Variants in ZNF560 observed in about 807,000 individuals in gnomAD.
ZNF560 encodes the protein zinc finger protein 560.
ZNF560 carries 54 observed loss-of-function variants against 81.8 expected under a neutral mutation model. That is an observed-to-expected ratio of 0.66 (90% CI 0.53 to 0.83). The LOEUF (loss-of-function observed/expected upper bound fraction) is 0.83. Ranked by LOEUF, ZNF560 falls within the 40% of genes least tolerant of loss-of-function variation. The pLI is 0.00. For synonymous variants in ZNF560, 321 were observed against 317.9 expected (o/e 1.01, Z -0.10); for missense variants, 940 against 932.4 (o/e 1.01, Z -0.11).
chr19:9,488,646 C>T (rs1427187876), intron 2 of ZNF560, among the ~76,000 whole-genome samples: 2 of 151,998 alleles, frequency 1.3e-5, no homozygotes, highest in Admixed American at 6.5e-5. Flanking sequence ...GATAATATAT[C>T]ACAAGAAACC....
chr19:9,485,013 C>T (rs911093760), intron 2 of ZNF560, among the ~76,000 whole-genome samples: 3 of 152,110 alleles, frequency 2.0e-5, no homozygotes, highest in Admixed American at 2.0e-4. Context: ...AATTTCTAGA[C>T]ACACACAACC....
rs376274185 is a variant in ZNF560, at chr19:9,494,994, G to A, written c.-57+3134C>T. Among the ~76,000 whole-genome samples the A allele has an allele frequency of 4.1e-4, 62 of 152,194 alleles. No individual in the cohort carries two copies. In the East Asian group the frequency reaches 8.5e-3, roughly 21 times the overall value. On this transcript the variant is annotated intron_variant, in intron 2 of 9. Transcript: ENST00000301480. ...GAGCTGAGCACAGCCTCTAGCAACA[G>A]CCAGCAACAAGTCCTATAACTGCAA...
intron 2 of ZNF560, among the ~76,000 whole-genome samples, chr19:9,492,964 T>G (rs2073495741): frequency 6.6e-6 from 1 of 152,164 alleles, no homozygotes; most frequent in Non-Finnish European, 1.5e-5. Context: ...CTGGCCCTTA[T>G]AAGTTTCATA....
At chr19:9,491,448 T>C (rs2073471660) in intron 2 of ZNF560, among the ~76,000 whole-genome samples, 1 of 152,054 alleles carries the variant, frequency 6.6e-6, no homozygotes, top group African/African-American at 2.4e-5. Flanking sequence ...GTGGGTTCAG[T>C]TGTCTAGACC....
chr19:9,474,174 C>T lies in ZNF560; in HGVS notation c.157+25G>A, dbSNP rs761480515. Reference sequence around the variant, plus strand: ...CAATGTATATCTCTTCCCTAAGAGGCTGCATAAAATGATGGCAGTCTTACC... The same window carrying T: ...CAATGTATATCTCTTCCCTAAGAGGTTGCATAAAATGATGGCAGTCTTACC... On this transcript the variant is annotated intron_variant, in intron 4 of 9. Coordinates refer to ENST00000301480, the MANE Select transcript of ZNF560 (RefSeq NM_152476.3). The T allele has an allele frequency of 2.5e-6, 4 of 1,613,610 alleles. No individual in the cohort carries two copies. The South Asian group carries it at 4.4e-5, about 18-fold the overall frequency.
At chr19:9,503,818 A>T in the ZNF560 span, among the ~76,000 whole-genome samples, 1 of 152,222 alleles carries the variant, frequency 6.6e-6, no homozygotes, top group Non-Finnish European at 1.5e-5. Context: ...AATTACAGGC[A>T]TGAGTCATTG....
At chr19:9,491,570 T>C (rs1290385480) in intron 2 of ZNF560, among the ~76,000 whole-genome samples, 3 of 152,030 alleles carry the variant, frequency 2.0e-5, no homozygotes, top group Non-Finnish European at 4.4e-5. Context: ...CTCACACCTG[T>C]AATCCCAGCA....
intron 5 of ZNF560, among the ~76,000 whole-genome samples, chr19:9,472,330 G>A (rs1201002032): frequency 6.6e-6 from 1 of 152,114 alleles, no homozygotes; most frequent in Non-Finnish European, 1.5e-5. Flanking sequence ...GTTTAAAACA[G>A]GAGTCTCCAA....
the ZNF560 span, among the ~76,000 whole-genome samples, chr19:9,449,543 A>C: frequency 6.6e-6 from 1 of 152,220 alleles, no homozygotes; most frequent in Non-Finnish European, 1.5e-5. Context: ...CCTACAGCAA[A>C]AACTTAGAAA....
intron 5 of ZNF560, among the ~76,000 whole-genome samples, chr19:9,471,709 C>G (rs185355492): frequency 2.0e-5 from 3 of 152,164 alleles, no homozygotes; most frequent in Non-Finnish European, 4.4e-5. Context: ...TTCATAAGAT[C>G]ATAGAAAGTT....
At chr19:9,458,729 A>G in the ZNF560 span, among the ~76,000 whole-genome samples, 1 of 152,220 alleles carries the variant, frequency 6.6e-6, no homozygotes, top group Non-Finnish European at 1.5e-5. Flanking sequence ...ATGCTAGACA[A>G]TTCCACAATT....
At chr19:9,490,666 A>G (rs2073457504) in intron 2 of ZNF560, among the ~76,000 whole-genome samples, 1 of 152,222 alleles carries the variant, frequency 6.6e-6, no homozygotes, top group Non-Finnish European at 1.5e-5. Context: ...TTCTGTTCCA[A>G]TTATAATTTA....
At chr19:9,456,639 G>A in the ZNF560 span, among the ~76,000 whole-genome samples, 11 of 152,262 alleles carry the variant, frequency 7.2e-5, no homozygotes, top group South Asian at 8.3e-4. Context: ...ATCACTGGCC[G>A]TCTGCATGGC....
intron 4 of ZNF560, 131 bp downstream of exon 4, chr19:9,474,068 A>T: frequency 9.9e-7 from 1 of 1,012,774 alleles, no homozygotes; most frequent in Non-Finnish European, 1.5e-6. Flanking sequence ...CGACCACAGT[A>T]ATTAAGACCT....
chr19:9,483,195 C>T (rs150557628), intron 2 of ZNF560, among the ~76,000 whole-genome samples: 15,277 of 151,308 alleles, frequency 0.1, 909 homozygotes, highest in South Asian at 0.19. Context: ...TCTTCCCGGC[C>T]GCCATCCCGT....
At chr19:9,469,569 T>C (rs2073090165) in intron 8 of ZNF560, 61 bp downstream of exon 8, 5 of 1,485,258 alleles carry the variant, frequency 3.4e-6, no homozygotes, top group Admixed American at 1.7e-5. Flanking sequence ...AAAACTTCAT[T>C]GTGCTTCCAA....
At chr19:9,457,104 C>G in the ZNF560 span, among the ~76,000 whole-genome samples, 5 of 152,202 alleles carry the variant, frequency 3.3e-5, no homozygotes, top group Non-Finnish European at 5.9e-5. Flanking sequence ...TTTAAATGAA[C>G]TAGTCAAAGA....
At chr19:9,463,476 G>A (rs1464210029), downstream of ZNF560, among the ~76,000 whole-genome samples, 1 of 152,116 alleles carries the variant, frequency 6.6e-6, no homozygotes, top group Admixed American at 6.5e-5. Flanking sequence ...AGACAATCAG[G>A]ATGGCATCTA....
At chr19:9,473,414 C>G (rs1050979078) in intron 4 of ZNF560, among the ~76,000 whole-genome samples, 155 bp from the exon 5 acceptor site, 1 of 152,118 alleles carries the variant, frequency 6.6e-6, no homozygotes, top group Non-Finnish European at 1.5e-5. Flanking sequence ...CCCGTCTCTA[C>G]TAAAAATACA....
Sources: allele counts gnomAD v4.1 joint callset (sites outside exome capture counted in the v4.1 genomes callset), GRCh38; gene constraint gnomAD v4.1.1; transcripts MANE v1.5; gene names NCBI Gene and HGNC (gene_info 2026-07-23, HGNC 2026-07-21).